SYNDIG1L: variants seen among roughly 807,000 people sequenced by gnomAD.
SYNDIG1L encodes synapse differentiation-inducing gene protein 1-like.
SYNDIG1L carries 13 observed loss-of-function variants against 20.1 expected under a neutral mutation model. That is an observed-to-expected ratio of 0.65 (90% CI 0.42 to 1.03). SYNDIG1L has a LOEUF of 1.03. Ranked by LOEUF, SYNDIG1L falls within the 50% of genes least tolerant of loss-of-function variation. SYNDIG1L has a pLI of 0.00. For missense variants in SYNDIG1L, 294 were observed against 305.1 expected, an observed-to-expected ratio of 0.96 and a Z score of 0.27; for synonymous variants, 128 against 129.3, an observed-to-expected ratio of 0.99 and a Z score of 0.07.
chr14:74,435,892 G>T, the SYNDIG1L span, among the ~76,000 whole-genome samples: 1 of 152,198 alleles, frequency 6.6e-6, no homozygotes, highest in African/African-American at 2.4e-5. Context: ...CACAGCAAGT[G>T]TTAGAGGCAT....
At chr14:74,416,403 G>A (rs1195097649) in intron 1 of SYNDIG1L, among the ~76,000 whole-genome samples, 1 of 152,182 alleles carries the variant, frequency 6.6e-6, no homozygotes, top group Non-Finnish European at 1.5e-5. Context: ...GGAGGCCAAG[G>A]TGGGTGGATC....
At chr14:74,427,988 T>G (rs1327605267), upstream of SYNDIG1L, among the ~76,000 whole-genome samples, 1 of 152,232 alleles carries the variant, frequency 6.6e-6, no homozygotes, top group Admixed American at 6.5e-5. Flanking sequence ...AAAAAGCCAG[T>G]GAAGCAAAAG....
chr14:74,418,291 A>T (rs1397670732), intron 1 of SYNDIG1L, among the ~76,000 whole-genome samples: 1 of 152,206 alleles, frequency 6.6e-6, no homozygotes, highest in Non-Finnish European at 1.5e-5. Flanking sequence ...AGAAAGAGCC[A>T]GGGGTGGCGA....
At chr14:74,466,684 C>G in the SYNDIG1L span, among the ~76,000 whole-genome samples, 1 of 152,172 alleles carries the variant, frequency 6.6e-6, no homozygotes, top group South Asian at 2.1e-4. Context: ...CCTCCCGCTT[C>G]CATCACGGCT....
chr14:74,429,325 A>C (rs147559346), upstream of SYNDIG1L, among the ~76,000 whole-genome samples: 16 of 152,324 alleles, frequency 1.1e-4, no homozygotes, highest in East Asian at 1.7e-3. Context: ...CCTTAAGTGA[A>C]ATCCAACCCT....
At chr14:74,444,927 T>C in the SYNDIG1L span, among the ~76,000 whole-genome samples, 25 of 152,204 alleles carry the variant, frequency 1.6e-4, no homozygotes, top group African/African-American at 6.0e-4. Flanking sequence ...AGTATATTCT[T>C]TAATTAATCA....
the SYNDIG1L span, among the ~76,000 whole-genome samples, chr14:74,462,356 C>T: frequency 4.9e-4 from 75 of 151,714 alleles, no homozygotes; most frequent in Admixed American, 3.1e-3. Context: ...TGGTGGTGCA[C>T]GCCTGTAGTT....
chr14:74,438,117 C>T, the SYNDIG1L span, among the ~76,000 whole-genome samples: 1 of 152,122 alleles, frequency 6.6e-6, no homozygotes, highest in Non-Finnish European at 1.5e-5. Flanking sequence ...ATATAAAATC[C>T]TTGGTGAGGT....
At chr14:74,478,533 A>G in the SYNDIG1L span, among the ~76,000 whole-genome samples, 133 of 152,302 alleles carry the variant, frequency 8.7e-4, no homozygotes, top group African/African-American at 3.1e-3. Context: ...TGGTATTGTG[A>G]GTCCTGTCTT....
rs79448311 is a variant in SYNDIG1L, at chr14:74,414,731, G to A, written c.-57-4930C>T. ...CTTACTGAGTTTTTGACCATGTGCCGGGAACTGTTCTAAATGCTCGTGTTG... is the reference window on the plus strand; with the variant it reads ...CTTACTGAGTTTTTGACCATGTGCCAGGAACTGTTCTAAATGCTCGTGTTG... On this transcript the variant is annotated intron_variant, in intron 1 of 3. Transcript: ENST00000331628. Among the ~76,000 whole-genome samples the A allele has an allele frequency of 4.1e-4, 62 of 152,206 alleles. No homozygotes were observed. In the East Asian group the frequency reaches 0.011, roughly 27 times the overall value.
At chr14:74,460,059 G>A in the SYNDIG1L span, among the ~76,000 whole-genome samples, 1 of 151,922 alleles carries the variant, frequency 6.6e-6, no homozygotes, top group Non-Finnish European at 1.5e-5. Context: ...CATCTCTGTG[G>A]CCTGATGGCC....
the SYNDIG1L span, among the ~76,000 whole-genome samples, chr14:74,443,395 C>T: frequency 6.6e-6 from 1 of 152,118 alleles, no homozygotes; most frequent in African/African-American, 2.4e-5. Context: ...GTGACCTTAG[C>T]GAGAACTGTG....
the SYNDIG1L span, among the ~76,000 whole-genome samples, chr14:74,473,513 A>G: frequency 6.6e-6 from 1 of 152,218 alleles, no homozygotes; most frequent in Non-Finnish European, 1.5e-5. Flanking sequence ...TTCTAAGCAG[A>G]GGCCTGACCT....
At chr14:74,467,525 C>T in the SYNDIG1L span, among the ~76,000 whole-genome samples, 5 of 152,286 alleles carry the variant, frequency 3.3e-5, no homozygotes. Flanking sequence ...TCAGACTTGG[C>T]CAAATGAAAT....
the SYNDIG1L span, among the ~76,000 whole-genome samples, chr14:74,444,234 A>G: frequency 6.6e-6 from 1 of 151,620 alleles, no homozygotes; most frequent in African/African-American, 2.4e-5. Context: ...TAATTTTTGT[A>G]CTTTTAGTAG....
intron 3 of SYNDIG1L, 72 bp from the exon 4 acceptor site, chr14:74,407,765 C>T: frequency 6.3e-7 from 1 of 1,576,446 alleles, no homozygotes; most frequent in Non-Finnish European, 8.6e-7. Flanking sequence ...TGCCAGGCCC[C>T]TGACCCCATC....
At chr14:74,428,198 A>C (rs2086280316), upstream of SYNDIG1L, among the ~76,000 whole-genome samples, 2 of 152,344 alleles carry the variant, frequency 1.3e-5, no homozygotes, top group South Asian at 4.1e-4. Flanking sequence ...CTTTCTTATA[A>C]TTCAATAGCT....
chr14:74,476,235 A>T, the SYNDIG1L span: 2 of 594,350 alleles, frequency 3.4e-6, no homozygotes, highest in Non-Finnish European at 6.0e-6. Context: ...CGCTGAGAAC[A>T]GTCTGCTGCT....
At chr14:74,432,180 T>TGTGAGAGA in the SYNDIG1L span, among the ~76,000 whole-genome samples, 76 of 124,144 alleles carry the variant, frequency 6.1e-4, no homozygotes, top group African/African-American at 2.3e-3. Flanking sequence ...TGTGTGTGTG[T>TGTGAGAGA]GAGAGAGAGA....
Sources: gnomAD v4.1 joint callset for allele counts (sites outside exome capture counted in the v4.1 genomes callset) on GRCh38, gnomAD v4.1.1 for gene constraint, MANE v1.5 for transcripts, NCBI Gene and HGNC (gene_info 2026-07-23, HGNC 2026-07-21) for gene names.